The following ASIC2 variants were observed in gnomAD, a reference collection of about 807,000 sequenced individuals.
ASIC2 encodes the protein acid-sensing ion channel 2.
ASIC2 carries 25 observed loss-of-function variants against 57.3 expected under a neutral mutation model. The ratio of observed to expected loss-of-function variants is 0.44; its 90% CI spans 0.32 to 0.61. The LOEUF (loss-of-function observed/expected upper bound fraction) is 0.61, where lower values mean the gene tolerates loss of function less well. ASIC2 is among the 20% of genes least tolerant of loss of function. The pLI is 0.06. For missense variants in ASIC2, 641 were observed against 738.1 expected, an observed-to-expected ratio of 0.87 and a Z score of 1.52; for synonymous variants, 319 against 307.5, an observed-to-expected ratio of 1.04 and a Z score of -0.39.
intron 1 of ASIC2, among the ~76,000 whole-genome samples, chr17:33,517,703 G>A (rs1472413310): frequency 7.7e-6 from 1 of 129,566 alleles, no homozygotes; most frequent in Non-Finnish European, 1.6e-5. Context: ...CTGTTGTGGG[G>A]TTGGGGGAGG....
intron 1 of ASIC2, among the ~76,000 whole-genome samples, chr17:33,874,728 T>G (rs1220383479): frequency 1.3e-5 from 2 of 152,242 alleles, no homozygotes; most frequent in Non-Finnish European, 2.9e-5. Context: ...CATGCCAATC[T>G]CTGCTGGCCA....
intron 1 of ASIC2, chr17:34,039,195 A>G: frequency 6.2e-7 from 1 of 1,613,930 alleles, no homozygotes; most frequent in Non-Finnish European, 8.5e-7. Flanking sequence ...TCTCTAAGTC[A>G]GAATTCTTAC....
At chr17:33,497,056 A>G (rs1913958903) in intron 1 of ASIC2, among the ~76,000 whole-genome samples, 1 of 152,094 alleles carries the variant, frequency 6.6e-6, no homozygotes, top group Non-Finnish European at 1.5e-5. Context: ...AACACATTGG[A>G]TGTGATGGGG....
intron 1 of ASIC2, among the ~76,000 whole-genome samples, chr17:33,353,901 C>A (rs1908278021): frequency 6.6e-6 from 1 of 152,132 alleles, no homozygotes; most frequent in African/African-American, 2.4e-5. Flanking sequence ...AGCCCATTCT[C>A]TTGCTGTGAA....
At chr17:33,497,421 T>G (rs1913971330) in intron 1 of ASIC2, among the ~76,000 whole-genome samples, 1 of 152,058 alleles carries the variant, frequency 6.6e-6, no homozygotes, top group African/African-American at 2.4e-5. Context: ...TGATGCAACT[T>G]TTTTTTTCAT....
At chr17:33,304,957 C>T (rs531346689) in intron 1 of ASIC2, among the ~76,000 whole-genome samples, 3 of 152,084 alleles carry the variant, frequency 2.0e-5, no homozygotes, top group East Asian at 3.9e-4. Context: ...AACTACGGTT[C>T]GAATTTTCTT....
At chr17:34,138,346 A>G (rs961370332) in intron 1 of ASIC2, among the ~76,000 whole-genome samples, 11 of 152,222 alleles carry the variant, frequency 7.2e-5, no homozygotes, top group African/African-American at 2.7e-4. Context: ...TAATTCAGGT[A>G]GTTTAATTAA....
intron 1 of ASIC2, among the ~76,000 whole-genome samples, chr17:33,503,450 T>C (rs1914159214): frequency 6.6e-6 from 1 of 151,922 alleles, no homozygotes; most frequent in South Asian, 2.1e-4. Flanking sequence ...GAATCAAGGA[T>C]TTTCCTGGGA....
intron 1 of ASIC2, among the ~76,000 whole-genome samples, chr17:34,017,002 A>T (rs2142025913): frequency 6.6e-6 from 1 of 152,376 alleles, no homozygotes. Flanking sequence ...ACAGTGGCTT[A>T]AATAGCAATA....
chr17:33,282,096 C>T (rs776661101), intron 1 of ASIC2, among the ~76,000 whole-genome samples: 2 of 152,188 alleles, frequency 1.3e-5, no homozygotes, highest in Non-Finnish European at 2.9e-5. Flanking sequence ...TACCCAGCCT[C>T]GTTCACTAAT....
chr17:33,472,409 A>G (rs1913086195), intron 1 of ASIC2, among the ~76,000 whole-genome samples: 1 of 152,212 alleles, frequency 6.6e-6, no homozygotes, highest in Non-Finnish European at 1.5e-5. Context: ...TCTTTAAAAC[A>G]ACCCTAGAAA....
intron 1 of ASIC2, among the ~76,000 whole-genome samples, chr17:33,304,840 T>C (rs17781949): frequency 0.099 from 15,070 of 151,988 alleles, 792 homozygotes; most frequent in Middle Eastern, 0.18. Context: ...CCGTCTGTTC[T>C]TAGTCTCCGC....
At chr17:33,432,390 C>A (rs986496922) in intron 1 of ASIC2, among the ~76,000 whole-genome samples, 1 of 152,116 alleles carries the variant, frequency 6.6e-6, no homozygotes, top group East Asian at 1.9e-4. Context: ...GTGGCATATA[C>A]ATGTAGTCCC....
intron 1 of ASIC2, among the ~76,000 whole-genome samples, chr17:33,399,065 G>A (rs1203136832): frequency 6.6e-6 from 1 of 152,164 alleles, no homozygotes; most frequent in African/African-American, 2.4e-5. Flanking sequence ...AGAAAAGAAG[G>A]CTGGAGGGAG....
chr17:33,847,922 C>T (rs1244717872), intron 1 of ASIC2, among the ~76,000 whole-genome samples: 1 of 151,990 alleles, frequency 6.6e-6, no homozygotes, highest in Non-Finnish European at 1.5e-5. Context: ...GATGCAAATG[C>T]AAATATATGG....
intron 1 of ASIC2, chr17:34,070,018 C>T (rs1406784578): frequency 2.0e-5 from 3 of 152,034 alleles, no homozygotes; most frequent in Admixed American, 2.0e-4. Context: ...AGTAGGTATA[C>T]TGGCTGAGTA....
At chr17:33,835,977 TA>T (rs1363774091) in intron 1 of ASIC2, among the ~76,000 whole-genome samples, 1 of 151,142 alleles carries the variant, frequency 6.6e-6, no homozygotes, top group Non-Finnish European at 1.5e-5. Flanking sequence ...ATTATATAAT[TA>T]TTAACATTTT....
Position 33,714,578 on chromosome 17 carries a change from A to G in ASIC2, c.555+441400T>C, listed in dbSNP as rs1313909882. Among the ~76,000 whole-genome samples, 7 of 152,324 alleles carry G rather than the reference A, an allele frequency of 4.6e-5. No homozygotes were observed. The South Asian group carries it at 1.2e-3, about 27-fold the overall frequency. ...TACTATATTATGTTTATGGACATGT[A>G]TATGTGGCAGTAAAAGTTTAAAAAC... On this transcript the variant is annotated intron_variant, in intron 1 of 9. Transcript: ENST00000359872.
chr17:34,013,016 G>A (rs1906827838), intron 1 of ASIC2, among the ~76,000 whole-genome samples: 2 of 152,154 alleles, frequency 1.3e-5, no homozygotes, highest in African/African-American at 4.8e-5. Context: ...GCAGTGAGGG[G>A]GACAGCCTCA....
Sources: gnomAD v4.1 joint callset for allele counts (sites outside exome capture counted in the v4.1 genomes callset) on GRCh38, gnomAD v4.1.1 for gene constraint, MANE v1.5 for transcripts, NCBI Gene and HGNC (gene_info 2026-07-23, HGNC 2026-07-21) for gene names.